FRYL: variants seen among roughly 807,000 people sequenced by gnomAD.
FRYL encodes FRY like transcription coactivator, also known as protein furry homolog-like.
A neutral mutation model predicts 351.2 loss-of-function variants in FRYL; 150 were observed. That is an observed-to-expected ratio of 0.43 (90% CI 0.37 to 0.49). The LOEUF is 0.49. Ranked by LOEUF, FRYL falls within the 20% of genes least tolerant of loss-of-function variation. The pLI is 0.00. For missense variants in FRYL, 3,036 were observed against 3,619.3 expected (o/e 0.84, Z 4.13); for synonymous variants, 1,153 against 1,257.1 (o/e 0.92, Z 1.75).
intron 2 of FRYL, among the ~76,000 whole-genome samples, chr4:48,689,895 C>CTTTT (rs869300628): frequency 1.5e-5 from 2 of 135,680 alleles, no homozygotes; most frequent in East Asian, 2.1e-4. Flanking sequence ...TTCTTTTTTT[C>CTTTT]TTTTTTTTTT....
chr4:48,708,462 TAAAC>T (rs144175157), intron 2 of FRYL, among the ~76,000 whole-genome samples: 2 of 151,982 alleles, frequency 1.3e-5, no homozygotes, highest in Non-Finnish European at 2.9e-5. Flanking sequence ...GAGACTATCT[TAAAC>T]AAACAAACAA....
Position 48,501,610 on chromosome 4 carries a change from ACTGAATAT to A in FRYL, c.8592+5_8592+12del, listed in dbSNP as rs1009198480. 1.4e-5 allele frequency: 20 copies of A among 1,424,554 alleles called. No individual in the cohort carries two copies. Among genetic ancestry groups the A allele is most frequent in the Admixed American group, 3.4e-5 (2 of 59,208 alleles). The allele number at this position is 1,424,554 out of a possible 1,614,324, so 88.2% of individuals were successfully genotyped here. ...GAATCAGTTACTGATGCCTAATACA[ACTGAATAT>A]TTACCTCTGCTTCATTTTTTATCGT... On this transcript the variant is annotated splice_donor_5th_base_variant and intron_variant, in intron 62 of 63. Coordinates refer to ENST00000358350, the MANE Select transcript of FRYL (RefSeq NM_015030.2).
At chr4:48,598,600 T>G (rs1233644921) in intron 13 of FRYL, among the ~76,000 whole-genome samples, 2 of 152,222 alleles carry the variant, frequency 1.3e-5, no homozygotes, top group African/African-American at 4.8e-5. Flanking sequence ...TGGTGAAGAA[T>G]CAGCATTCAG....
rs1308184426 is a variant in FRYL, at chr4:48,570,896, C to T, written c.2927G>A (p.Arg976Gln). The T allele has an allele frequency of 2.5e-6, 4 of 1,613,618 alleles. No individual in the cohort carries two copies. The highest frequency in any genetic ancestry group is 1.3e-5 in the African/African-American group (1 of 75,028). The change falls in exon 27 of 64, where the codon CGA becomes CAA. Residue 976 changes from arginine to glutamine, a missense_variant. Arg to Gln is a conservative substitution (Grantham distance 43). Around this residue, in one of 7 missense-constraint regions of FRYL, gnomAD observed 492 missense variants for 551.5 expected, o/e 0.89. Coordinates refer to ENST00000358350, the MANE Select transcript of FRYL (RefSeq NM_015030.2). ...RPENMKRRRR[R>Q]DILRVQLVRI... ...TACCAGTTGTACTCGTAAAATGTCT[C>T]GACGCCTGCGCCGTTTCATATTCTA... is the stretch of plus-strand genomic sequence containing the variant.
chr4:48,538,240 C>T (rs1445276788), intron 47 of FRYL, among the ~76,000 whole-genome samples: 1 of 152,122 alleles, frequency 6.6e-6, no homozygotes, highest in Non-Finnish European at 1.5e-5. Context: ...TTACTTCCTA[C>T]CACCACCATT....
intron 2 of FRYL, among the ~76,000 whole-genome samples, chr4:48,686,742 C>T (rs150831977): frequency 9.8e-5 from 15 of 152,320 alleles, no homozygotes; most frequent in East Asian, 9.6e-4. Context: ...TGCAGTCTTG[C>T]GCTCAGACAT....
chr4:48,606,722 T>G, intron 9 of FRYL, 116 bp from the exon 10 acceptor site: 1 of 680,196 alleles, frequency 1.5e-6, no homozygotes, highest in Non-Finnish European at 2.3e-6. Flanking sequence ...TTTCTCTACC[T>G]TCATTACAAT....
intron 49 of FRYL, 45 bp downstream of exon 49, chr4:48,534,500 A>G: frequency 6.9e-7 from 1 of 1,458,318 alleles, no homozygotes; most frequent in Non-Finnish European, 9.5e-7. Context: ...ATTATAAATC[A>G]TTTTTAGATG....
intron 2 of FRYL, among the ~76,000 whole-genome samples, chr4:48,710,010 TA>T (rs1196325986): frequency 6.6e-6 from 1 of 152,176 alleles, no homozygotes; most frequent in Non-Finnish European, 1.5e-5. Flanking sequence ...GTGTTCTGAG[TA>T]AATATCAGAG....
intron 2 of FRYL, among the ~76,000 whole-genome samples, chr4:48,706,327 C>G (rs1767341903): frequency 6.6e-6 from 1 of 152,138 alleles, no homozygotes; most frequent in Admixed American, 6.6e-5. Context: ...GAATGAAATT[C>G]TAACACGTAC....
At chr4:48,551,101 C>T (rs1268358083) in intron 37 of FRYL, among the ~76,000 whole-genome samples, 1 of 151,220 alleles carries the variant, frequency 6.6e-6, no homozygotes, top group African/African-American at 2.4e-5. Flanking sequence ...ACACAAAATA[C>T]TAACAAAAGT....
intron 1 of FRYL, among the ~76,000 whole-genome samples, chr4:48,770,542 A>G (rs1775406109): frequency 1.3e-5 from 2 of 151,896 alleles, no homozygotes; most frequent in African/African-American, 2.4e-5. Flanking sequence ...GATTCAAGTG[A>G]TTCTCCTGCC....
intron 1 of FRYL, among the ~76,000 whole-genome samples, chr4:48,741,745 T>C (rs149599741): frequency 1.3e-5 from 2 of 152,082 alleles, no homozygotes; most frequent in Non-Finnish European, 2.9e-5. Flanking sequence ...TGGAGGAAAC[T>C]TAAGTGCATA....
In FRYL at chr4:48,543,940, C is replaced by G; in HGVS notation, c.5459G>C (p.Cys1820Ser). ...SEVALQTALS[C>S]SSRHYAGRSF... Reference sequence around the variant, plus strand: ...TCTCCCAGCATAGTGTCGAGAAGAACAGGAAAGTGCTGTTTGCAGAGCAAC... The same window carrying G: ...TCTCCCAGCATAGTGTCGAGAAGAAGAGGAAAGTGCTGTTTGCAGAGCAAC... The change falls in exon 44 of 64, where the codon TGT (cysteine) becomes TCT (serine). Residue 1820 changes from cysteine (C) to serine (S), a missense_variant. Cys to Ser is a moderately radical substitution (Grantham distance 112). This residue lies in a region of FRYL where 1,987 missense variants were observed against 2,311.7 expected (regional missense o/e 0.86). Transcript: ENST00000358350. The G allele has an allele frequency of 6.2e-7, 1 of 1,613,864 alleles. No individual in the cohort carries two copies. Among genetic ancestry groups the G allele is most frequent in the Non-Finnish European group, 8.5e-7 (1 of 1,179,838 alleles).
intron 3 of FRYL, among the ~76,000 whole-genome samples, chr4:48,678,891 A>C (rs1286103864): frequency 1.3e-5 from 2 of 152,104 alleles, no homozygotes; most frequent in African/African-American, 4.8e-5. Flanking sequence ...AAATTATAAA[A>C]TCTAATTATT....
intron 3 of FRYL, among the ~76,000 whole-genome samples, chr4:48,652,740 T>C (rs1382493916): frequency 6.6e-6 from 1 of 152,194 alleles, no homozygotes; most frequent in Non-Finnish European, 1.5e-5. Context: ...AAAACAAAAC[T>C]ACACTAAATA....
At chr4:48,610,269 G>C (rs1367462519) in intron 7 of FRYL, among the ~76,000 whole-genome samples, 1 of 151,998 alleles carries the variant, frequency 6.6e-6, no homozygotes, top group Non-Finnish European at 1.5e-5. Flanking sequence ...ACTATTTATA[G>C]ACTTATTATT....
At chr4:48,591,198 A>G (rs1355689535) in intron 16 of FRYL, among the ~76,000 whole-genome samples, 3 of 151,974 alleles carry the variant, frequency 2.0e-5, no homozygotes, top group Admixed American at 2.0e-4. Flanking sequence ...TCAATCTCTC[A>G]ATTACAAATC....
intron 3 of FRYL, among the ~76,000 whole-genome samples, chr4:48,657,935 C>T (rs1233245384): frequency 6.6e-6 from 1 of 152,194 alleles, no homozygotes. Flanking sequence ...TTTTAATCAC[C>T]TTCCACTTAA....
Sources: gnomAD v4.1 joint callset for allele counts (sites outside exome capture counted in the v4.1 genomes callset) on GRCh38, gnomAD v4.1.1 for gene constraint, gnomAD v4.1.1 regional missense constraint, MANE v1.5 for transcripts, NCBI Gene and HGNC (gene_info 2026-07-23, HGNC 2026-07-21) for gene names.